The following MYO18B variants were observed in gnomAD, a reference collection of about 807,000 sequenced individuals.
MYO18B encodes the protein unconventional myosin-XVIIIb.
Under a neutral mutation model 273.0 loss-of-function variants are expected in MYO18B, and 204 were observed. That is an observed-to-expected ratio of 0.75 (90% confidence interval 0.67 to 0.84). MYO18B has a LOEUF of 0.84. MYO18B is among the 40% of genes least tolerant of loss of function. The pLI is 0.00. For synonymous variants in MYO18B, 1,330 were observed against 1,305.7 expected (o/e 1.02, Z -0.40); for missense variants, 3,212 against 3,287.6 (o/e 0.98, Z 0.56).
At chr22:25,874,713 G>A (rs1244117968) in intron 23 of MYO18B, among the ~76,000 whole-genome samples, 1 of 152,150 alleles carries the variant, frequency 6.6e-6, no homozygotes, top group African/African-American at 2.4e-5. Flanking sequence ...AGCAGACAGG[G>A]CATGACCAGG....
chr22:25,997,173 A>C (rs1933345625), intron 40 of MYO18B, among the ~76,000 whole-genome samples: 1 of 151,880 alleles, frequency 6.6e-6, no homozygotes, highest in Non-Finnish European at 1.5e-5. Flanking sequence ...AAATACAAAA[A>C]TTAGCCGGGC....
At chr22:25,931,491 C>G (rs572901719) in intron 34 of MYO18B, among the ~76,000 whole-genome samples, 1 of 152,164 alleles carries the variant, frequency 6.6e-6, no homozygotes, top group Non-Finnish European at 1.5e-5. Context: ...GATTATATCC[C>G]CCAAACCCAC....
intron 42 of MYO18B, among the ~76,000 whole-genome samples, chr22:26,006,728 C>T (rs557057631): frequency 1.8e-3 from 276 of 152,238 alleles, no homozygotes; most frequent in Non-Finnish European, 2.3e-3. Flanking sequence ...TTCATGTTTC[C>T]TCCCGAGTAA....
At chr22:26,047,521 T>A in the MYO18B span, among the ~76,000 whole-genome samples, 616 of 152,136 alleles carry the variant, frequency 4.0e-3, 5 homozygotes, top group African/African-American at 0.014. Context: ...CTGGAGGAGG[T>A]GTCGCCAATA....
At chr22:25,904,551 G>A (rs1327967412) in intron 31 of MYO18B, among the ~76,000 whole-genome samples, 3 of 151,414 alleles carry the variant, frequency 2.0e-5, no homozygotes, top group Admixed American at 6.6e-5. Flanking sequence ...GCACAGCTTC[G>A]GGGCAGATTG....
intron 39 of MYO18B, among the ~76,000 whole-genome samples, chr22:25,976,184 G>A (rs1353380603): frequency 1.3e-5 from 2 of 152,156 alleles, no homozygotes; most frequent in Non-Finnish European, 2.9e-5. Flanking sequence ...GCATAGCCCT[G>A]TGTAAGCACT....
chr22:25,774,238 G>C (rs771290603), intron 7 of MYO18B, among the ~76,000 whole-genome samples: 52 of 152,114 alleles, frequency 3.4e-4, no homozygotes, highest in Non-Finnish European at 5.6e-4. Context: ...ACTCCCAGGG[G>C]CTCTCCCACC....
intron 15 of MYO18B, among the ~76,000 whole-genome samples, chr22:25,829,856 TATAAA>T (rs986966790): frequency 2.1e-4 from 32 of 151,028 alleles, no homozygotes; most frequent in Admixed American, 4.6e-4. Context: ...ATAATAATAA[TATAAA>T]ATAAAATAAA....
chr22:26,058,842 C>CA, the MYO18B span, among the ~76,000 whole-genome samples: 1 of 152,040 alleles, frequency 6.6e-6, no homozygotes, highest in South Asian at 2.1e-4. Context: ...AACCATGAGT[C>CA]AAAAAATCCT....
chr22:25,778,177 G>A (rs1190230191), intron 8 of MYO18B, among the ~76,000 whole-genome samples: 1 of 151,944 alleles, frequency 6.6e-6, no homozygotes, highest in Admixed American at 6.5e-5. Flanking sequence ...CAGAGGACTC[G>A]AAGAGTGAAG....
chr22:25,890,794 C>G lies in MYO18B; in HGVS notation c.4353C>G (p.Phe1451Leu). ...DLTSDLADERFKGDVACQVLE... is the reference protein window; with the variant it reads ...DLTSDLADERLKGDVACQVLE... Reference sequence around the variant, plus strand: ...CCTCTGACCTTGCCGATGAGCGCTTCAAAGGTGATGTGGCCTGCCAGGTGC... The same window carrying G: ...CCTCTGACCTTGCCGATGAGCGCTTGAAAGGTGATGTGGCCTGCCAGGTGC... The change falls in exon 26 of 44, where the codon TTC (phenylalanine) becomes TTG (leucine). Residue 1451 changes from phenylalanine to leucine, a missense_variant. Phe to Leu is a conservative substitution (Grantham distance 22). Transcript: ENST00000335473. 2.5e-6 allele frequency: 4 copies of G among 1,613,954 alleles called. No homozygotes were observed. Among genetic ancestry groups the G allele is most frequent in the Non-Finnish European group, 3.4e-6 (4 of 1,179,888 alleles).
chr22:25,769,177 G>T lies in MYO18B; in HGVS notation c.1261G>T (p.Glu421Ter). Residue 421 changes from glutamate to a stop codon, truncating the protein, a stop_gained, in exon 4 of 44, where the codon GAG becomes TAG. Coordinates refer to ENST00000335473, the MANE Select transcript of MYO18B (RefSeq NM_032608.7). LOFTEE classifies it high-confidence loss of function. ...QTEKGCEAPK[E>*]VSTMVESPAA... ...AGAGAAGGGCTGTGAAGCCCCAAAG[G>T]AGGTGAGCACAATGGTGGAGTCGCC... 1 of 1,612,080 alleles carries T rather than the reference G, an allele frequency of 6.2e-7. No individual in the cohort carries two copies. The highest frequency in any genetic ancestry group is 8.5e-7 in the Non-Finnish European group (1 of 1,179,210).
rs200040391 is a variant in MYO18B, at chr22:25,937,063, T to C, written c.5518-9074T>C. 2.4e-4 allele frequency among the ~76,000 whole-genome samples: 36 copies of C among 149,378 alleles called. No individual in the cohort carries two copies. The East Asian group carries it at 5.6e-3, about 23-fold the overall frequency. On this transcript the variant is annotated intron_variant, in intron 34 of 43. Transcript: ENST00000335473. Reference sequence around the variant, plus strand: ...ATATTTATTATTACTTTGAAGAAGATAGAAAAATAAATATTCAGGAAGATT... The same window carrying C: ...ATATTTATTATTACTTTGAAGAAGACAGAAAAATAAATATTCAGGAAGATT...
intron 12 of MYO18B, 99 bp downstream of exon 12, chr22:25,798,196 C>T: frequency 7.3e-7 from 1 of 1,376,312 alleles, no homozygotes; most frequent in Non-Finnish European, 9.6e-7. Context: ...CAGGGTCAAT[C>T]TGTCACCTTC....
intron 42 of MYO18B, among the ~76,000 whole-genome samples, chr22:26,023,288 CATCTACCTTG>C (rs1935962445): frequency 6.6e-6 from 1 of 152,178 alleles, no homozygotes; most frequent in Non-Finnish European, 1.5e-5. Flanking sequence ...TCTTCTTTCT[CATCTACCTTG>C]ATTGAATTCG....
At chr22:25,877,876 T>A (rs1299811186) in intron 24 of MYO18B, 83 bp from the exon 25 acceptor site, 37 of 1,071,928 alleles carry the variant, frequency 3.5e-5, no homozygotes, top group Non-Finnish European at 4.5e-5. Context: ...AACGGAAACT[T>A]TGTGCCGTTT....
At chr22:25,777,239 G>T (rs1389122964) in intron 7 of MYO18B, among the ~76,000 whole-genome samples, 1 of 152,152 alleles carries the variant, frequency 6.6e-6, no homozygotes, top group Non-Finnish European at 1.5e-5. Context: ...TTATGCTATC[G>T]ATCCAGCTGC....
chr22:25,828,395 G>T (rs1431695177), intron 14 of MYO18B, among the ~76,000 whole-genome samples: 1 of 152,138 alleles, frequency 6.6e-6, no homozygotes, highest in African/African-American at 2.4e-5. Context: ...AAAGAATTTT[G>T]TAAACTGATG....
rs1030773504 is a variant in MYO18B, at chr22:25,754,575, C to T, written c.-109-6409C>T. 9.2e-5 allele frequency among the ~76,000 whole-genome samples: 14 copies of T among 152,064 alleles called. 1 individual carries two copies. The highest frequency in any genetic ancestry group is 5.2e-4 in the Admixed American group (8 of 15,280). ...CGTTTTCTCTCCCCAGCCTCTCTCCCCTTTAAGGGGAGACTCGCGATTTTA... is the reference window on the plus strand; with the variant it reads ...CGTTTTCTCTCCCCAGCCTCTCTCCTCTTTAAGGGGAGACTCGCGATTTTA... On this transcript the variant is annotated intron_variant, in intron 1 of 43. Coordinates refer to ENST00000335473, the MANE Select transcript of MYO18B (RefSeq NM_032608.7).
Sources: allele counts gnomAD v4.1 joint callset (sites outside exome capture counted in the v4.1 genomes callset), GRCh38; gene constraint gnomAD v4.1.1; transcripts MANE v1.5; gene names NCBI Gene and HGNC (gene_info 2026-07-23, HGNC 2026-07-21).